The following PKDCC variants were observed in gnomAD, a reference collection of about 807,000 sequenced individuals.
PKDCC encodes the protein protein kinase domain containing, cytoplasmic.
Under a neutral mutation model 44.7 loss-of-function variants are expected in PKDCC, and 35 were observed. The observed-to-expected ratio is 0.78, with a 90% CI of 0.60 to 1.04. PKDCC has a LOEUF of 1.04. Among genes scored for constraint, PKDCC ranks in the 50% least tolerant of loss-of-function variants. The pLI is 0.00. For synonymous variants in PKDCC, 353 were observed against 303.3 expected, an observed-to-expected ratio of 1.16 and a Z score of -1.70; for missense variants, 738 against 672.7, an observed-to-expected ratio of 1.10 and a Z score of -1.07.
Position 42,048,481 on chromosome 2 carries a change from GC to G in PKDCC, c.285del (p.Gly96AlafsTer134). The G allele has an allele frequency of 9.6e-7, 1 of 1,038,752 alleles. No individual in the cohort carries two copies. 64.3% of individuals were successfully genotyped at this position (1,038,752 alleles called of 1,614,324 possible). On this transcript the variant is annotated frameshift_variant, in exon 1 of 7. Coordinates refer to ENST00000294964, the MANE Select transcript of PKDCC (RefSeq NM_138370.3). LOFTEE classifies it high-confidence loss of function. This position sits in a 1 kb window ranked among gnomAD's most constrained non-coding sequence, Gnocchi z 6.2. ...RRLMDLAPGG[P>X]GLPRPRPPWA... ...GCCTGATGGACCTGGCTCCGGGCGG[GC>G]CCGGCCTGCCGCGCCCCCGGCCCCC... is the stretch of plus-strand genomic sequence containing the variant.
rs775019619 is a variant in PKDCC, at chr2:42,055,851, C to T, written c.1222+458C>T. ...ATATGTTTGCTTCCCTTTCCTTCCT[C>T]TAACCTCCCGGGGCTAGAAGGGCAC... On this transcript the variant is annotated intron_variant, in intron 5 of 6. Coordinates refer to ENST00000294964, the MANE Select transcript of PKDCC (RefSeq NM_138370.3). This position sits in a 1 kb window ranked among gnomAD's most constrained non-coding sequence, Gnocchi z 4.5. Among the ~76,000 whole-genome samples the T allele has an allele frequency of 2.6e-5, 4 of 152,216 alleles. No individual in the cohort carries two copies. Among genetic ancestry groups the T allele is most frequent in the East Asian group, 1.9e-4 (1 of 5,202 alleles).
At chr2:42,053,615 C>T in intron 2 of PKDCC, 1 of 552,568 alleles carries the variant, frequency 1.8e-6, no homozygotes, top group South Asian at 2.6e-5. Context: ...GGGGCTGGCA[C>T]CTTAAAGAGG....
Position 42,048,421 on chromosome 2 carries a change from C to T in PKDCC, c.222C>T (p.Gly74=). Reference sequence around the variant, plus strand: ...AGGTGCAGCGCTATTCCCGCGGGGGCCCCGGGCCCGGGGCGGGCCGGCCGG... The same window carrying T: ...AGGTGCAGCGCTATTCCCGCGGGGGTCCCGGGCCCGGGGCGGGCCGGCCGG... ...YEEVQRYSRG[G]PGPGAGRPER... is the part of the protein sequence containing the mutation. The change falls in exon 1 of 7, where the codon GGC becomes GGT. Residue 74 remains glycine, a synonymous_variant. Transcript: ENST00000294964. The surrounding 1 kb of genome is among the most constrained non-coding windows in gnomAD (Gnocchi z 6.2). 3 of 1,134,402 alleles carry T rather than the reference C, an allele frequency of 2.6e-6. No homozygotes were observed. The highest frequency in any genetic ancestry group is 3.7e-5 in the South Asian group (1 of 26,714). 70.3% of individuals were successfully genotyped at this position (1,134,402 alleles called of 1,614,324 possible). A position where few individuals can be genotyped will look rare whatever the true frequency, so the allele number is the denominator to read the frequency against.
At chr2:42,053,543 C>A in intron 2 of PKDCC, 182 bp downstream of exon 2, 1 of 798,018 alleles carries the variant, frequency 1.3e-6, no homozygotes, top group African/African-American at 1.7e-5. Context: ...TTAAAGGATC[C>A]CGACATGCTG....
intron 2 of PKDCC, chr2:42,053,671 T>C (rs940257441): frequency 2.5e-5 from 13 of 516,060 alleles, no homozygotes; most frequent in Non-Finnish European, 4.5e-5. Context: ...GGAGGGCCAG[T>C]GTCCTAGAAC....
chr2:42,054,094 T>TGGA lies in PKDCC; in HGVS notation c.821_822insGGA (p.Val274_Thr275insAsp). The TGGA allele has an allele frequency of 6.2e-7, 1 of 1,612,764 alleles. No individual in the cohort carries two copies. Among genetic ancestry groups the TGGA allele is most frequent in the Non-Finnish European group, 8.5e-7 (1 of 1,179,864 alleles). On this transcript the variant is annotated inframe_insertion, in exon 3 of 7. Transcript: ENST00000294964. This position sits in a 1 kb window ranked among gnomAD's most constrained non-coding sequence, Gnocchi z 6.1. Reference sequence around the variant, plus strand: ...CTGGCCCACTCCCCACTGGGCTCCGTCACTCTGCTGGACTTCCGCCCTCGG... The same window carrying TGGA: ...CTGGCCCACTCCCCACTGGGCTCCGTGGACACTCTGCTGGACTTCCGCCCTCGG...
rs1668094603 is a variant in PKDCC, at chr2:42,058,377, G to A, written c.*689G>A. The A allele has an allele frequency of 6.5e-6, 1 of 152,744 alleles. No individual in the cohort carries two copies. Among genetic ancestry groups the A allele is most frequent in the Non-Finnish European group, 1.5e-5 (1 of 68,016 alleles). 9.5% of individuals were successfully genotyped at this position (152,744 alleles called of 1,614,324 possible). A position where few individuals can be genotyped will look rare whatever the true frequency, so the allele number is the denominator to read the frequency against. On this transcript the variant is annotated 3_prime_UTR_variant, in exon 7 of 7. Coordinates refer to ENST00000294964, the MANE Select transcript of PKDCC (RefSeq NM_138370.3). This position sits in a 1 kb window ranked among gnomAD's most constrained non-coding sequence, Gnocchi z 4.2. ...TCTGCCTCATTTGCTTTCAATGAAA[G>A]CCTCAAAGCAGCCAAAACCAGGCTT...
Position 42,054,934 on chromosome 2 carries a change from G to C in PKDCC, c.1035-7G>C. 1 of 1,612,716 alleles carries C rather than the reference G, an allele frequency of 6.2e-7. No individual in the cohort carries two copies. Among genetic ancestry groups the C allele is most frequent in the South Asian group, 1.1e-5 (1 of 91,058 alleles). ...ATTCCTGAGCCACTGGTTTCCCTCT[G>C]CCACAGGTTTTTCTTCACATACCTC... On this transcript the variant is annotated splice_region_variant and splice_polypyrimidine_tract_variant and intron_variant, in intron 3 of 6. Coordinates refer to ENST00000294964, the MANE Select transcript of PKDCC (RefSeq NM_138370.3). This position sits in a 1 kb window ranked among gnomAD's most constrained non-coding sequence, Gnocchi z 6.1.
chr2:42,050,189 A>G (rs1349076044), intron 1 of PKDCC, among the ~76,000 whole-genome samples: 3 of 152,164 alleles, frequency 2.0e-5, no homozygotes, highest in Admixed American at 1.3e-4. Context: ...GGCAGAACCA[A>G]CACTTGCGTG....
intron 5 of PKDCC, among the ~76,000 whole-genome samples, chr2:42,056,027 A>T (rs1378402383): frequency 6.6e-6 from 1 of 152,162 alleles, no homozygotes; most frequent in Non-Finnish European, 1.5e-5. Flanking sequence ...CAGGTTTCAT[A>T]TTCAAGGAGT....
Position 42,058,003 on chromosome 2 carries a change from C to T in PKDCC, c.*315C>T, listed in dbSNP as rs547768594. The T allele has an allele frequency of 7.5e-6, 3 of 398,950 alleles. No individual in the cohort carries two copies. The highest frequency in any genetic ancestry group is 4.9e-5 in the East Asian group (1 of 20,390). The allele number at this position is 398,950 out of a possible 1,614,324, so 24.7% of individuals were successfully genotyped here. ...CTGGGGGCTGTGCCCCTCCCTGGGACGGTTCCGTGGGCAGCCCCATCACTG... is the reference window on the plus strand; with the variant it reads ...CTGGGGGCTGTGCCCCTCCCTGGGATGGTTCCGTGGGCAGCCCCATCACTG... On this transcript the variant is annotated 3_prime_UTR_variant, in exon 7 of 7. Transcript: ENST00000294964. The surrounding 1 kb of genome is among the most constrained non-coding windows in gnomAD (Gnocchi z 4.2).
At chr2:42,053,887 C>T in intron 2 of PKDCC, 149 bp from the exon 3 acceptor site, 1 of 943,912 alleles carries the variant, frequency 1.1e-6, no homozygotes, top group Non-Finnish European at 1.6e-6. Flanking sequence ...GGCTGCTGAC[C>T]TTGGCCTTTG....
At position 42,058,060 on chromosome 2, in the gene PKDCC, CCTG is replaced by C. The variant is rs145955357; in HGVS notation, c.*386_*388del. The stretch of plus-strand genomic sequence containing the variant: ...ATAGTGTGAGAATGTAGCTAAAGCC[CCTG>C]CTGCTGCTGCTGCACATGCCACAGC... On this transcript the variant is annotated 3_prime_UTR_variant, in exon 7 of 7. Coordinates refer to ENST00000294964, the MANE Select transcript of PKDCC (RefSeq NM_138370.3). The surrounding 1 kb of genome is among the most constrained non-coding windows in gnomAD (Gnocchi z 4.2). 2.3e-3 allele frequency: 523 copies of C among 224,162 alleles called. No individual in the cohort carries two copies. The highest frequency in any genetic ancestry group is 7.6e-3 in the Middle Eastern group (5 of 660). The allele number at this position is 224,162 out of a possible 1,614,324, so 13.9% of individuals were successfully genotyped here.
In PKDCC at chr2:42,054,689, G is replaced by C; in HGVS notation, c.1035-252G>C. On this transcript the variant is annotated intron_variant, in intron 3 of 6. Transcript: ENST00000294964. The surrounding 1 kb of genome is among the most constrained non-coding windows in gnomAD (Gnocchi z 6.1). ...TCAGTCAGGGGATAATGTGGGGCTG[G>C]GAGGTGGGCAAGTCCTGGGAAGGGT... 1 of 575,568 alleles carries C rather than the reference G, an allele frequency of 1.7e-6. No homozygotes were observed. The highest frequency in any genetic ancestry group is 2.2e-5 in the South Asian group (1 of 45,708). 35.7% of individuals were successfully genotyped at this position (575,568 alleles called of 1,614,324 possible). A position where few individuals can be genotyped will look rare whatever the true frequency, so the allele number is the denominator to read the frequency against.
chr2:42,048,865 C>G lies in PKDCC; in HGVS notation c.639+27C>G. The G allele has an allele frequency of 1.5e-5, 22 of 1,451,642 alleles. No individual in the cohort carries two copies. Among genetic ancestry groups the G allele is most frequent in the Non-Finnish European group, 2.0e-5 (22 of 1,096,816 alleles). 89.9% of individuals were successfully genotyped at this position (1,451,642 alleles called of 1,614,324 possible). On this transcript the variant is annotated intron_variant, in intron 1 of 6. Coordinates refer to ENST00000294964, the MANE Select transcript of PKDCC (RefSeq NM_138370.3). The surrounding 1 kb of genome is among the most constrained non-coding windows in gnomAD (Gnocchi z 6.2). ...TACGAGGGTGGGGACGCGGGGGTAA[C>G]GGTGTTGGCTGGGAGTGCCCAAGAC...
rs1464355072 is a variant in PKDCC at position 42,048,176 on chromosome 2, C to A, written c.-24C>A. ...CCGGGGCCGGGGAGCCGCGCGGGGC[C>A]GGCCGGCCGGGGGGAGGGGAGCGAT... On this transcript the variant is annotated 5_prime_UTR_variant, in exon 1 of 7. Coordinates refer to ENST00000294964, the MANE Select transcript of PKDCC (RefSeq NM_138370.3). This position sits in a 1 kb window ranked among gnomAD's most constrained non-coding sequence, Gnocchi z 6.2. 52 of 1,024,390 alleles carry A rather than the reference C, an allele frequency of 5.1e-5. No homozygotes were observed. The highest frequency in any genetic ancestry group is 6.9e-5 in the African/African-American group (3 of 43,216). 63.5% of individuals were successfully genotyped at this position (1,024,390 alleles called of 1,614,324 possible). A position where few individuals can be genotyped will look rare whatever the true frequency, so the allele number is the denominator to read the frequency against.
chr2:42,056,264 G>A (rs1430180413), intron 5 of PKDCC, among the ~76,000 whole-genome samples: 1 of 152,098 alleles, frequency 6.6e-6, no homozygotes, highest in Non-Finnish European at 1.5e-5. Flanking sequence ...CCAGGCAGTG[G>A]GAAAGACAGG....
chr2:42,053,503 C>A (rs900802794), intron 2 of PKDCC, 142 bp downstream of exon 2: 3 of 1,180,870 alleles, frequency 2.5e-6, no homozygotes, highest in Non-Finnish European at 3.5e-6. Flanking sequence ...ACTCAGCCAC[C>A]GGCCAAAGGG....
rs557689168 is a variant in PKDCC, at chr2:42,048,995, A to T, written c.639+157A>T. 3.3e-5 allele frequency among the ~76,000 whole-genome samples: 5 copies of T among 152,042 alleles called. No individual in the cohort carries two copies. The South Asian group carries it at 8.3e-4, about 25-fold the overall frequency. On this transcript the variant is annotated intron_variant, in intron 1 of 6. Coordinates refer to ENST00000294964, the MANE Select transcript of PKDCC (RefSeq NM_138370.3). This position sits in a 1 kb window ranked among gnomAD's most constrained non-coding sequence, Gnocchi z 6.2. ...GGACCATGGCCCTTCCCACTGCACC[A>T]CCCTGCTTCTCACTCCTGGGTGGGC...
Sources: gnomAD v4.1 joint callset for allele counts (sites outside exome capture counted in the v4.1 genomes callset) on GRCh38, gnomAD v4.1.1 for gene constraint, Gnocchi (gnomAD v3.1) non-coding constraint, MANE v1.5 for transcripts, NCBI Gene and HGNC (gene_info 2026-07-23, HGNC 2026-07-21) for gene names.